The following FBXL17 variants were observed in gnomAD, a reference collection of about 807,000 sequenced individuals.
The protein encoded by FBXL17 is F-box/LRR-repeat protein 17.
In FBXL17, 22 loss-of-function variants were observed where a neutral mutation model predicts 66.2. That is an observed-to-expected ratio of 0.33 (90% CI 0.24 to 0.47). The LOEUF is 0.47. FBXL17 is among the 20% of genes least tolerant of loss of function. The pLI is 1.00. For missense variants in FBXL17, 878 were observed against 948.2 expected, an observed-to-expected ratio of 0.93 and a Z score of 0.97; for synonymous variants, 474 against 400.5, an observed-to-expected ratio of 1.18 and a Z score of -2.19.
chr5:108,381,166 C>A lies in FBXL17; in HGVS notation c.526G>T (p.Val176Leu). ...PVRFLGPPAAVQLFRGPTPSP... is the reference protein window; with the variant it reads ...PVRFLGPPAALQLFRGPTPSP... Reference sequence around the variant, plus strand: ...GGTGTCGGCCCCCGGAAGAGCTGCACGGCGGCGGGCGGCCCCAGGAAGCGC... The same window carrying A: ...GGTGTCGGCCCCCGGAAGAGCTGCAAGGCGGCGGGCGGCCCCAGGAAGCGC... The change falls in exon 1 of 9, where the codon GTG becomes TTG. Residue 176 changes from valine (V) to leucine (L), a missense_variant. Physicochemically the swap from Val to Leu is conservative, Grantham distance 32. Transcript: ENST00000542267. The A allele has an allele frequency of 7.0e-7, 1 of 1,426,272 alleles. No individual in the cohort carries two copies. The highest frequency in any genetic ancestry group is 9.2e-7 in the Non-Finnish European group (1 of 1,091,820). 88.4% of individuals were successfully genotyped at this position (1,426,272 alleles called of 1,614,324 possible). A position where few individuals can be genotyped will look rare whatever the true frequency, so the allele number is the denominator to read the frequency against.
intron 7 of FBXL17, among the ~76,000 whole-genome samples, chr5:107,899,277 G>A (rs902907107): frequency 2.6e-5 from 4 of 152,074 alleles, no homozygotes; most frequent in African/African-American, 9.7e-5. Flanking sequence ...ATAAAAATAT[G>A]TGTTAACTGG....
intron 7 of FBXL17, among the ~76,000 whole-genome samples, chr5:107,983,181 C>T (rs1279251515): frequency 6.6e-6 from 1 of 152,086 alleles, no homozygotes; most frequent in African/African-American, 2.4e-5. Flanking sequence ...CAAATGAAAC[C>T]TGACTGCCCA....
intron 8 of FBXL17, among the ~76,000 whole-genome samples, chr5:107,874,502 G>A (rs539658089): frequency 2.0e-5 from 3 of 152,150 alleles, no homozygotes; most frequent in Non-Finnish European, 4.4e-5. Flanking sequence ...TTTTCAGTTG[G>A]TGAATTTGAG....
intron 4 of FBXL17, chr5:108,297,874 CA>C: frequency 1.1e-6 from 1 of 920,598 alleles, no homozygotes; most frequent in Non-Finnish European, 1.3e-6. Context: ...GTTTTTACAA[CA>C]AACAAAAAAC....
rs973781790 is a variant in FBXL17 at position 108,062,204 on chromosome 5, T to C, written c.1746-41203A>G. 9.2e-5 allele frequency among the ~76,000 whole-genome samples: 14 copies of C among 152,138 alleles called. No homozygotes were observed. In the South Asian group the frequency reaches 1.7e-3, roughly 18 times the overall value. On this transcript the variant is annotated intron_variant, in intron 6 of 8. Coordinates refer to ENST00000542267, the MANE Select transcript of FBXL17 (RefSeq NM_001163315.3). ...GGGCTCAACTGCTTTTATAATGAGC[T>C]ACAAGCAGAAGGTACATTCAGTAGT... is the stretch of plus-strand genomic sequence containing the variant.
At chr5:108,321,289 T>C (rs1309266226) in intron 4 of FBXL17, among the ~76,000 whole-genome samples, 2 of 151,846 alleles carry the variant, frequency 1.3e-5, no homozygotes, top group African/African-American at 4.8e-5. Flanking sequence ...TATCAAAGTG[T>C]CTATGGGTAG....
chr5:107,880,855 A>G, intron 8 of FBXL17, 182 bp downstream of exon 8: 10 of 1,389,240 alleles, frequency 7.2e-6, no homozygotes, highest in Non-Finnish European at 9.3e-6. Flanking sequence ...TACAAAGATA[A>G]TCTCAGATTA....
rs1580915149 is a variant in FBXL17, at chr5:108,372,430, A to G, written c.994-4477T>C. 3.3e-5 allele frequency among the ~76,000 whole-genome samples: 5 copies of G among 152,228 alleles called. No individual in the cohort carries two copies. The East Asian group carries it at 9.6e-4, about 29-fold the overall frequency. Reference sequence around the variant, plus strand: ...GGCATGAATCTAGCTCATAAACTCAATGAATTCCAAGCAGGATAAATGCAA... The same window carrying G: ...GGCATGAATCTAGCTCATAAACTCAGTGAATTCCAAGCAGGATAAATGCAA... On this transcript the variant is annotated intron_variant, in intron 1 of 8. Transcript: ENST00000542267.
At chr5:108,369,952 G>A (rs1188341602) in intron 1 of FBXL17, among the ~76,000 whole-genome samples, 1 of 152,174 alleles carries the variant, frequency 6.6e-6, no homozygotes, top group Non-Finnish European at 1.5e-5. Context: ...TTCCAGTTCA[G>A]GGTTGCAGGT....
chr5:108,105,930 G>C (rs1749778018), intron 6 of FBXL17, among the ~76,000 whole-genome samples: 1 of 152,162 alleles, frequency 6.6e-6, no homozygotes, highest in African/African-American at 2.4e-5. Context: ...AAAGGAACAG[G>C]AGGAAGAATC....
At chr5:107,881,990 C>T (rs571798965) in intron 7 of FBXL17, among the ~76,000 whole-genome samples, 4 of 152,276 alleles carry the variant, frequency 2.6e-5, no homozygotes, top group East Asian at 3.9e-4. Context: ...CCCATCACAG[C>T]GACCAAGTGG....
At chr5:107,918,524 A>G (rs1750208408) in intron 7 of FBXL17, among the ~76,000 whole-genome samples, 1 of 152,196 alleles carries the variant, frequency 6.6e-6, no homozygotes, top group East Asian at 1.9e-4. Flanking sequence ...TTTACTAATC[A>G]GGGTAGCCAA....
intron 6 of FBXL17, among the ~76,000 whole-genome samples, chr5:108,129,319 T>C (rs1750835064): frequency 1.3e-5 from 2 of 152,068 alleles, no homozygotes; most frequent in South Asian, 4.1e-4. Flanking sequence ...TAGTTGTCAC[T>C]CACAGGATGA....
At chr5:108,102,933 G>C (rs940355103) in intron 6 of FBXL17, among the ~76,000 whole-genome samples, 1 of 152,028 alleles carries the variant, frequency 6.6e-6, no homozygotes, top group African/African-American at 2.4e-5. Flanking sequence ...ACACTGTAAA[G>C]CATAGTTGAC....
intron 4 of FBXL17, among the ~76,000 whole-genome samples, chr5:108,230,478 A>C (rs2922430): frequency 0.46 from 70,526 of 151,946 alleles, 16,559 homozygotes; most frequent in Non-Finnish European, 0.5. Context: ...GAATGGAAAA[A>C]CAAACATCAT....
At chr5:108,361,619 T>C (rs12659437) in intron 3 of FBXL17, among the ~76,000 whole-genome samples, 18,484 of 152,064 alleles carry the variant, frequency 0.12, 1,358 homozygotes, top group Admixed American at 0.16. Context: ...ACAAACTCTC[T>C]CCCAGGCTCT....
chr5:108,142,978 T>TATGATAATA (rs1554068847), intron 6 of FBXL17, among the ~76,000 whole-genome samples: 19 of 145,106 alleles, frequency 1.3e-4, no homozygotes, highest in African/African-American at 4.5e-4. Context: ...GAACATAAAG[T>TATGATAATA]ATAATAATAA....
At chr5:107,902,780 T>C (rs943359513) in intron 7 of FBXL17, among the ~76,000 whole-genome samples, 14 of 152,132 alleles carry the variant, frequency 9.2e-5, no homozygotes, top group African/African-American at 2.7e-4. Flanking sequence ...AGAGATTTTA[T>C]GCATGCACTT....
chr5:108,227,923 G>A (rs1456809382), intron 4 of FBXL17, among the ~76,000 whole-genome samples: 1 of 152,164 alleles, frequency 6.6e-6, no homozygotes, highest in Admixed American at 6.6e-5. Flanking sequence ...TAAGTACATG[G>A]TCAGTTGGTT....
Sources: gnomAD v4.1 joint callset for allele counts (sites outside exome capture counted in the v4.1 genomes callset) on GRCh38, gnomAD v4.1.1 for gene constraint, MANE v1.5 for transcripts, NCBI Gene and HGNC (gene_info 2026-07-23, HGNC 2026-07-21) for gene names.